Variants in PPFIA2 observed in about 807,000 individuals in gnomAD.
PPFIA2 encodes PPFI scaffold protein A2.
In PPFIA2, 46 loss-of-function variants were observed where a neutral mutation model predicts 175.5. The ratio of observed to expected loss-of-function variants is 0.26; its 90% CI spans 0.21 to 0.34. PPFIA2 has a LOEUF of 0.34. PPFIA2 is among the 10% of genes least tolerant of loss of function. The pLI is 1.00. For missense variants in PPFIA2, 1,179 were observed against 1,506.1 expected (o/e 0.78, Z 3.60); for synonymous variants, 568 against 511.4 (o/e 1.11, Z -1.49).
At chr12:81,490,643 C>A (rs760996547) in intron 4 of PPFIA2, among the ~76,000 whole-genome samples, 2 of 151,924 alleles carry the variant, frequency 1.3e-5, no homozygotes, top group Non-Finnish European at 2.9e-5. Flanking sequence ...GGAAAAGCAA[C>A]AACAAAAATC....
chr12:81,607,918 T>C (rs540738029), intron 4 of PPFIA2, among the ~76,000 whole-genome samples: 60 of 152,190 alleles, frequency 3.9e-4, no homozygotes, highest in African/African-American at 1.3e-3. Context: ...CAGTATGATG[T>C]TGGTTGTGTG....
chr12:81,323,315 AAACAC>A (rs1334694365), intron 22 of PPFIA2, among the ~76,000 whole-genome samples: 1 of 152,130 alleles, frequency 6.6e-6, no homozygotes, highest in African/African-American at 2.4e-5. Context: ...TAAGTCTTGG[AAACAC>A]CATTTTGCCA....
At chr12:81,597,131 A>G (rs1477437793) in intron 4 of PPFIA2, among the ~76,000 whole-genome samples, 1 of 152,128 alleles carries the variant, frequency 6.6e-6, no homozygotes, top group Non-Finnish European at 1.5e-5. Context: ...TGTATAATAT[A>G]CAGGGAAAAG....
At chr12:81,337,672 G>A (rs1180431980) in intron 21 of PPFIA2, among the ~76,000 whole-genome samples, 3 of 152,018 alleles carry the variant, frequency 2.0e-5, no homozygotes, top group African/African-American at 7.2e-5. Flanking sequence ...TAAAAGTAAA[G>A]TGTCAATTAT....
intron 14 of PPFIA2, among the ~76,000 whole-genome samples, chr12:81,365,198 G>T (rs1566468761): frequency 6.6e-6 from 1 of 151,782 alleles, no homozygotes; most frequent in Non-Finnish European, 1.5e-5. Flanking sequence ...AAGATGGAAA[G>T]GGAAACACTG....
At chr12:81,694,064 T>C (rs191353974) in intron 3 of PPFIA2, among the ~76,000 whole-genome samples, 1 of 152,148 alleles carries the variant, frequency 6.6e-6, no homozygotes, top group African/African-American at 2.4e-5. Context: ...GATTGGAATT[T>C]ATGTTTAAAA....
At chr12:81,621,165 G>A (rs1467651088) in intron 4 of PPFIA2, among the ~76,000 whole-genome samples, 2 of 152,156 alleles carry the variant, frequency 1.3e-5, no homozygotes, top group Non-Finnish European at 2.9e-5. Flanking sequence ...CATTTGAACA[G>A]ATATGAGGTG....
intron 7 of PPFIA2, among the ~76,000 whole-genome samples, chr12:81,421,050 G>A (rs2046154000): frequency 6.6e-6 from 1 of 152,028 alleles, no homozygotes; most frequent in African/African-American, 2.4e-5. Context: ...TGTCTACCAA[G>A]AACAATATAT....
chr12:81,689,847 T>A (rs2075007099), intron 3 of PPFIA2, among the ~76,000 whole-genome samples: 1 of 152,212 alleles, frequency 6.6e-6, no homozygotes. Flanking sequence ...CACCACCAGG[T>A]AAGAATTTCA....
intron 22 of PPFIA2, among the ~76,000 whole-genome samples, chr12:81,310,176 T>C (rs1003504762): frequency 4.6e-5 from 7 of 152,074 alleles, no homozygotes; most frequent in African/African-American, 1.7e-4. Flanking sequence ...ATAATAATAT[T>C]AGTAAGTACA....
chr12:81,503,241 T>G (rs1309487654), intron 4 of PPFIA2, among the ~76,000 whole-genome samples: 1 of 152,098 alleles, frequency 6.6e-6, no homozygotes, highest in Non-Finnish European at 1.5e-5. Context: ...TTTATTTTTA[T>G]TTTTCCTTTT....
In PPFIA2 at chr12:81,338,590, A is replaced by G. The variant is rs1431358565; in HGVS notation, c.2548+590T>C. 2.5e-5 allele frequency among the ~76,000 whole-genome samples: 3 copies of G among 120,046 alleles called. No individual in the cohort carries two copies. In the South Asian group the frequency reaches 9.1e-4, roughly 36 times the overall value. 78.8% of individuals were successfully genotyped at this position (120,046 alleles called of 152,430 possible). A position where few individuals can be genotyped will look rare whatever the true frequency, so the allele number is the denominator to read the frequency against. ...CCATAGAGTTTATTAGGGGGAAGCT[A>G]TGATAGTTTTAAGCAAAAAAAAATC... On this transcript the variant is annotated intron_variant, in intron 21 of 32. Transcript: ENST00000549396.
chr12:81,551,645 C>T (rs957306447), intron 4 of PPFIA2, among the ~76,000 whole-genome samples: 4 of 151,808 alleles, frequency 2.6e-5, no homozygotes, highest in Admixed American at 6.6e-5. Context: ...CAAAGGACAA[C>T]AGTAATCTAT....
At chr12:81,695,206 A>G (rs561824067) in intron 3 of PPFIA2, among the ~76,000 whole-genome samples, 26 of 152,282 alleles carry the variant, frequency 1.7e-4, no homozygotes, top group Non-Finnish European at 4.4e-5. Context: ...TGAGAAGGAC[A>G]TGAGATTTGG....
At chr12:81,556,915 T>A (rs1271871666) in intron 4 of PPFIA2, among the ~76,000 whole-genome samples, 1 of 151,980 alleles carries the variant, frequency 6.6e-6, no homozygotes, top group Admixed American at 6.6e-5. Flanking sequence ...ATGTTGAAAA[T>A]TAATTTTTAT....
chr12:81,700,083 G>A (rs1326247652), intron 3 of PPFIA2, among the ~76,000 whole-genome samples: 1 of 151,768 alleles, frequency 6.6e-6, no homozygotes, highest in Non-Finnish European at 1.5e-5. Flanking sequence ...ACTGCTTCAT[G>A]GATGCCTCTT....
In PPFIA2 at chr12:81,621,717, A is replaced by G. The variant is rs564506347; in HGVS notation, c.303+55074T>C. Among the ~76,000 whole-genome samples, 14 of 152,320 alleles carry G rather than the reference A, an allele frequency of 9.2e-5. No individual in the cohort carries two copies. The South Asian group carries it at 2.9e-3, about 32-fold the overall frequency. Reference sequence around the variant, plus strand: ...CTCCAATAATTTTCCTAAAGAAATGAAAGAATCAGGTTGTCATCAGCTGAG... The same window carrying G: ...CTCCAATAATTTTCCTAAAGAAATGGAAGAATCAGGTTGTCATCAGCTGAG... On this transcript the variant is annotated intron_variant, in intron 4 of 32. Transcript: ENST00000549396.
chr12:81,572,399 G>A (rs567013377), intron 4 of PPFIA2, among the ~76,000 whole-genome samples: 56 of 151,848 alleles, frequency 3.7e-4, no homozygotes, highest in African/African-American at 1.3e-3. Flanking sequence ...TAATAAATAT[G>A]TGTTTCCTTA....
chr12:81,274,953 G>C (rs1319849911), intron 28 of PPFIA2, among the ~76,000 whole-genome samples: 1 of 152,080 alleles, frequency 6.6e-6, no homozygotes, highest in Non-Finnish European at 1.5e-5. Flanking sequence ...ATTTGGTATA[G>C]GGCCAACTGG....
Sources: allele counts gnomAD v4.1 joint callset (sites outside exome capture counted in the v4.1 genomes callset), GRCh38; gene constraint gnomAD v4.1.1; transcripts MANE v1.5; gene names NCBI Gene and HGNC (gene_info 2026-07-23, HGNC 2026-07-21).